The following USP35 variants were observed in gnomAD, a reference collection of about 807,000 sequenced individuals.
USP35 encodes ubiquitin carboxyl-terminal hydrolase 35.
In USP35, 69 loss-of-function variants were observed where a neutral mutation model predicts 83.8. The observed-to-expected ratio is 0.82, with a 90% CI of 0.68 to 1.01. The LOEUF (loss-of-function observed/expected upper bound fraction) is 1.01, where lower values mean the gene tolerates loss of function less well. USP35 is among the 50% of genes least tolerant of loss of function. The pLI is 0.00. For missense variants in USP35, 1,503 were observed against 1,362.5 expected, an observed-to-expected ratio of 1.10 and a Z score of -1.62; for synonymous variants, 714 against 589.5, an observed-to-expected ratio of 1.21 and a Z score of -3.06.
At chr11:78,222,176 G>A in the USP35 span, 1 of 1,613,614 alleles carries the variant, frequency 6.2e-7, no homozygotes, top group Non-Finnish European at 8.5e-7. Context: ...TGTTCCTCAG[G>A]TCAAGTGGTG....
At chr11:78,225,250 TTGAC>T in the USP35 span, 3 of 1,266,834 alleles carry the variant, frequency 2.4e-6, no homozygotes, top group Non-Finnish European at 3.5e-6. Context: ...GATTCATGTG[TTGAC>T]ACTTACCCAT....
At chr11:78,223,563 G>C in the USP35 span, 1 of 1,613,918 alleles carries the variant, frequency 6.2e-7, no homozygotes, top group African/African-American at 1.3e-5. Flanking sequence ...AGACGCTCTG[G>C]GAATTATCAC....
rs1863931279 is a variant in USP35, at chr11:78,213,944, G to C, written c.*131G>C. 9.8e-7 allele frequency: 1 copy of C among 1,016,736 alleles called. No homozygotes were observed. The highest frequency in any genetic ancestry group is 1.4e-6 in the Non-Finnish European group (1 of 735,662). 63.0% of individuals were successfully genotyped at this position (1,016,736 alleles called of 1,614,324 possible). ...GCACCTTAGTCCTCAGCCTGATGAA[G>C]GGTACACAGAGATTCTCTCAGATAT... On this transcript the variant is annotated 3_prime_UTR_variant, in exon 11 of 11. Coordinates refer to ENST00000529308, the MANE Select transcript of USP35 (RefSeq NM_020798.4).
chr11:78,196,780 G>A lies in USP35; in HGVS notation c.535G>A (p.Ala179Thr). The change falls in exon 2 of 11, where the codon GCC (alanine) becomes ACC (threonine). Residue 179 changes from alanine to threonine, a missense_variant. Physicochemically the swap from Ala to Thr is moderately conservative, Grantham distance 58. Coordinates refer to ENST00000529308, the MANE Select transcript of USP35 (RefSeq NM_020798.4). This position sits in a 1 kb window ranked among gnomAD's most constrained non-coding sequence, Gnocchi z 4.8. The part of the protein sequence containing the change: ...VRCLGRFRCP[A>T]EGEEGAVEFL... ...TTGCCTCGGCCGCTTCCGCTGCCCA[G>A]CCGAAGGCGAGGAGGGCGCCGTGGA... 1 of 1,533,690 alleles carries A rather than the reference G, an allele frequency of 6.5e-7. No homozygotes were observed. Among genetic ancestry groups the A allele is most frequent in the Non-Finnish European group, 8.7e-7 (1 of 1,145,734 alleles).
intron 10 of USP35, among the ~76,000 whole-genome samples, chr11:78,212,368 A>G (rs1057397285): frequency 6.6e-6 from 1 of 152,212 alleles, no homozygotes; most frequent in Admixed American, 6.5e-5. Context: ...GAAGTCAGGT[A>G]GGCATTAGGC....
In USP35 at chr11:78,214,621, C is replaced by G. The variant is rs189499616; in HGVS notation, c.*808C>G. On this transcript the variant is annotated 3_prime_UTR_variant, in exon 11 of 11. Coordinates refer to ENST00000529308, the MANE Select transcript of USP35 (RefSeq NM_020798.4). ...GCCACCTGCAGGTTGGGTGAAGTGC[C>G]CTGACACTGCTGTAGCCCCCTTCTA... 1.2e-3 allele frequency: 179 copies of G among 152,344 alleles called. No homozygotes were observed. The highest frequency in any genetic ancestry group is 4.1e-3 in the African/African-American group (172 of 41,556). The allele number at this position is 152,344 out of a possible 1,614,324, so 9.4% of individuals were successfully genotyped here.
In USP35 at chr11:78,196,606, T is replaced by C; in HGVS notation, c.361T>C (p.Phe121Leu). 1.6e-6 allele frequency: 2 copies of C among 1,278,930 alleles called. No homozygotes were observed. Among genetic ancestry groups the C allele is most frequent in the South Asian group, 2.1e-5 (1 of 48,092 alleles). 79.2% of individuals were successfully genotyped at this position (1,278,930 alleles called of 1,614,324 possible). ...LPEGPAADEVFALLRREVLRT... is the reference protein window; with the variant it reads ...LPEGPAADEVLALLRREVLRT... ...CGAGGGGCCTGCGGCCGACGAGGTG[T>C]TCGCGCTGCTGCGGCGCGAGGTGCT... is the stretch of plus-strand genomic sequence containing the variant. The change falls in exon 2 of 11, where the codon TTC (phenylalanine) becomes CTC (leucine). Residue 121 changes from phenylalanine (F) to leucine (L), a missense_variant. Transcript: ENST00000529308. This position sits in a 1 kb window ranked among gnomAD's most constrained non-coding sequence, Gnocchi z 4.8.
In USP35 at chr11:78,196,435, C is replaced by T. The variant is rs1218979131; in HGVS notation, c.190C>T (p.Leu64=). The T allele has an allele frequency of 3.1e-6, 4 of 1,281,592 alleles. No homozygotes were observed. The African/African-American group carries it at 6.4e-5, about 20-fold the overall frequency. The allele number at this position is 1,281,592 out of a possible 1,614,324, so 79.4% of individuals were successfully genotyped here. A position where few individuals can be genotyped will look rare whatever the true frequency, so the allele number is the denominator to read the frequency against. Reference sequence around the variant, plus strand: ...GCTGCCGCGCCGCGTGGGCTGCCAGCTGCTGCACGTGGCCGGCCGCCACCA... The same window carrying T: ...GCTGCCGCGCCGCGTGGGCTGCCAGTTGCTGCACGTGGCCGGCCGCCACCA... The part of the protein sequence containing the change: ...EELPRRVGCQ[L]LHVAGRHHPD... The change falls in exon 2 of 11, where the codon CTG becomes TTG. Residue 64 remains leucine (L), a synonymous_variant. Coordinates refer to ENST00000529308, the MANE Select transcript of USP35 (RefSeq NM_020798.4). This position sits in a 1 kb window ranked among gnomAD's most constrained non-coding sequence, Gnocchi z 4.8.
At chr11:78,203,430 C>T (rs182438101) in intron 6 of USP35, among the ~76,000 whole-genome samples, 106 of 152,244 alleles carry the variant, frequency 7.0e-4, no homozygotes, top group Middle Eastern at 3.4e-3. Context: ...CTGGGCTTCT[C>T]GAACGTTTCC....
the USP35 span, chr11:78,226,619 G>GCC: frequency 4.2e-6 from 4 of 952,190 alleles, no homozygotes; most frequent in African/African-American, 1.7e-5. Context: ...GGCGGGGTGG[G>GCC]GGAGCTATGG....
chr11:78,207,965 GA>G (rs1863584932), intron 8 of USP35, among the ~76,000 whole-genome samples: 1 of 152,220 alleles, frequency 6.6e-6, no homozygotes, highest in Non-Finnish European at 1.5e-5. Flanking sequence ...CTCAGTTTTG[GA>G]AGCTGGGAGG....
At position 78,210,295 on chromosome 11, in the gene USP35, G is replaced by C; in HGVS notation, c.2440G>C (p.Asp814His). 1 of 1,613,988 alleles carries C rather than the reference G, an allele frequency of 6.2e-7. No individual in the cohort carries two copies. Among genetic ancestry groups the C allele is most frequent in the Non-Finnish European group, 8.5e-7 (1 of 1,180,032 alleles). The change falls in exon 10 of 11, where the codon GAC becomes CAC. Residue 814 changes from aspartate (D) to histidine (H), a missense_variant. By Grantham distance (81) the Asp-to-His change is moderately conservative. Coordinates refer to ENST00000529308, the MANE Select transcript of USP35 (RefSeq NM_020798.4). ...LILTLLRFSFDLRTMRRRKIL... is the reference protein window; with the variant it reads ...LILTLLRFSFHLRTMRRRKIL... Reference sequence around the variant, plus strand: ...CCTCACACTGCTGCGCTTCTCTTTCGACCTGCGCACCATGCGGCGCCGCAA... The same window carrying C: ...CCTCACACTGCTGCGCTTCTCTTTCCACCTGCGCACCATGCGGCGCCGCAA...
the USP35 span, among the ~76,000 whole-genome samples, chr11:78,227,617 G>C: frequency 8.8e-6 from 1 of 113,796 alleles, no homozygotes. Flanking sequence ...AACACAATAA[G>C]ACTCCATTGC....
rs200865495 is a variant in USP35, at chr11:78,209,547, C to T, written c.1692C>T (p.Thr564=). 3.8e-5 allele frequency: 62 copies of T among 1,614,040 alleles called. No homozygotes were observed. The highest frequency in any genetic ancestry group is 1.6e-4 in the Middle Eastern group (1 of 6,084). ...PPEEPPAPSS[T]SVEKMFGGKI... Reference sequence around the variant, plus strand: ...AGGAGCCCCCGGCCCCAAGTTCAACCTCTGTGGAAAAAATGTTTGGAGGCA... The same window carrying T: ...AGGAGCCCCCGGCCCCAAGTTCAACTTCTGTGGAAAAAATGTTTGGAGGCA... The change falls in exon 10 of 11, where the codon ACC becomes ACT. Residue 564 remains threonine, a synonymous_variant. Coordinates refer to ENST00000529308, the MANE Select transcript of USP35 (RefSeq NM_020798.4).
intron 6 of USP35, among the ~76,000 whole-genome samples, chr11:78,201,208 C>G (rs2137037682): frequency 6.6e-6 from 1 of 152,324 alleles, no homozygotes; most frequent in South Asian, 2.1e-4. Flanking sequence ...CTCCACCAGG[C>G]TGGGCTAGGG....
At chr11:78,220,184 A>G (rs1053827072), downstream of USP35, 3 of 841,594 alleles carry the variant, frequency 3.6e-6, no homozygotes, top group Admixed American at 4.5e-5. Context: ...CTAAAGATGC[A>G]TCATAAAAGC....
At chr11:78,232,142 G>C in the USP35 span, among the ~76,000 whole-genome samples, 1 of 152,222 alleles carries the variant, frequency 6.6e-6, no homozygotes, top group Non-Finnish European at 1.5e-5. Context: ...GTCAATCAAA[G>C]CCTCTGGTGA....
chr11:78,207,626 G>A lies in USP35; in HGVS notation c.1485+3G>A. On this transcript the variant is annotated splice_donor_region_variant and intron_variant, in intron 8 of 10. Transcript: ENST00000529308. ...TTGGCTTCCTAGAACACAGCCAGGT[G>A]AGTGTAGGGGCAGTCAGAGGGGGGT... is the stretch of plus-strand genomic sequence containing the variant. 6.2e-7 allele frequency: 1 copy of A among 1,613,800 alleles called. No homozygotes were observed. The highest frequency in any genetic ancestry group is 2.2e-5 in the East Asian group (1 of 44,884).
At chr11:78,226,323 A>C in the USP35 span, 5 of 684,324 alleles carry the variant, frequency 7.3e-6, no homozygotes, top group East Asian at 1.3e-4. Context: ...TCTGGGTAGA[A>C]GACACCTATG....
Sources: gnomAD v4.1 joint callset for allele counts (sites outside exome capture counted in the v4.1 genomes callset) on GRCh38, gnomAD v4.1.1 for gene constraint, Gnocchi (gnomAD v3.1) non-coding constraint, MANE v1.5 for transcripts, NCBI Gene and HGNC (gene_info 2026-07-23, HGNC 2026-07-21) for gene names.